MYO3B: variants seen among roughly 807,000 people sequenced by gnomAD.
MYO3B encodes the protein myosin IIIB.
In MYO3B, 156 loss-of-function variants were observed where a neutral mutation model predicts 174.6. That is an observed-to-expected ratio of 0.89 (90% CI 0.78 to 1.02). MYO3B has a LOEUF of 1.02. Ranked by LOEUF, MYO3B falls within the 50% of genes least tolerant of loss-of-function variation. The pLI, the probability that MYO3B is intolerant of heterozygous loss-of-function variation, is 0.00. For missense variants in MYO3B, 1,632 were observed against 1,639.4 expected (o/e 1.00, Z 0.08); for synonymous variants, 563 against 569.1 (o/e 0.99, Z 0.15).
intron 32 of MYO3B, chr2:170,601,934 G>A: frequency 2.4e-6 from 2 of 829,632 alleles, no homozygotes; most frequent in South Asian, 3.2e-5. Flanking sequence ...AAGGCCGAAG[G>A]AGGCCTCTTG....
At chr2:170,423,545 A>C (rs2094635382) in intron 22 of MYO3B, among the ~76,000 whole-genome samples, 1 of 151,014 alleles carries the variant, frequency 6.6e-6, no homozygotes, top group African/African-American at 2.4e-5. Flanking sequence ...AGTGTGTAAG[A>C]GACATTATTG....
intron 7 of MYO3B, among the ~76,000 whole-genome samples, chr2:170,288,234 GTT>G (rs35232763): frequency 1.0e-3 from 153 of 146,894 alleles, no homozygotes; most frequent in African/African-American, 1.8e-3. Context: ...TAAATTTTAG[GTT>G]TTTTTTTTTT....
At chr2:170,533,027 A>G (rs2106177096) in intron 30 of MYO3B, among the ~76,000 whole-genome samples, 1 of 152,302 alleles carries the variant, frequency 6.6e-6, no homozygotes, top group Non-Finnish European at 1.5e-5. Context: ...AAAAGTTGCA[A>G]TAAACAAGTC....
intron 32 of MYO3B, among the ~76,000 whole-genome samples, chr2:170,580,800 A>T (rs1693096750): frequency 6.6e-6 from 1 of 151,470 alleles, no homozygotes; most frequent in Non-Finnish European, 1.5e-5. Flanking sequence ...CTTTGTATAA[A>T]TGCAGAATAT....
chr2:170,522,837 C>A (rs1390096994), intron 30 of MYO3B, among the ~76,000 whole-genome samples: 1 of 152,210 alleles, frequency 6.6e-6, no homozygotes, highest in African/African-American at 2.4e-5. Flanking sequence ...CTTTTTAATA[C>A]TCCTTGAGCT....
intron 6 of MYO3B, among the ~76,000 whole-genome samples, chr2:170,235,105 G>T (rs1022123588): frequency 7.2e-5 from 11 of 152,152 alleles, no homozygotes; most frequent in Non-Finnish European, 1.6e-4. Flanking sequence ...ACCATTATAG[G>T]TGTTGCCCCT....
rs58866979 is a variant in MYO3B, at chr2:170,390,176, C to T, written c.1578-1344C>T. ...AATAAGGGCTGGGCACAGTGGCTCA[C>T]GCCTGTAATCCCAGCACTTTGGGAG... On this transcript the variant is annotated intron_variant, in intron 14 of 34. Coordinates refer to ENST00000408978, the MANE Select transcript of MYO3B (RefSeq NM_138995.5). Among the ~76,000 whole-genome samples, 1,100 of 152,274 alleles carry T rather than the reference C, an allele frequency of 7.2e-3. 4 individuals carry two copies. The highest frequency in any genetic ancestry group is 0.016 in the African/African-American group (669 of 41,536).
chr2:170,645,640 G>A (rs909876172), intron 32 of MYO3B, among the ~76,000 whole-genome samples: 4 of 152,012 alleles, frequency 2.6e-5, no homozygotes, highest in Non-Finnish European at 4.4e-5. Flanking sequence ...TCACTCTGCC[G>A]CTTACAAATT....
intron 30 of MYO3B, among the ~76,000 whole-genome samples, chr2:170,537,561 C>A (rs187641777): frequency 4.7e-5 from 7 of 149,286 alleles, no homozygotes; most frequent in African/African-American, 1.5e-4. Context: ...ATCCTCCCAC[C>A]CCAGCTTCCT....
At chr2:170,214,961 T>G (rs2105367390) in intron 5 of MYO3B, 133 bp downstream of exon 5, 11 of 649,542 alleles carry the variant, frequency 1.7e-5, no homozygotes, top group Non-Finnish European at 2.7e-5. Context: ...AAACACAAGC[T>G]GGAGGGGGTG....
chr2:170,279,992 T>G (rs563782475), intron 7 of MYO3B, among the ~76,000 whole-genome samples: 2 of 152,326 alleles, frequency 1.3e-5, no homozygotes, highest in South Asian at 4.1e-4. Context: ...AGTAATGGAT[T>G]GTTGGGTTGA....
At chr2:170,621,698 G>A (rs1575267636) in intron 32 of MYO3B, among the ~76,000 whole-genome samples, 1 of 151,740 alleles carries the variant, frequency 6.6e-6, no homozygotes, top group African/African-American at 2.4e-5. Flanking sequence ...TTTTAGTAGA[G>A]ATGTTATTTC....
At chr2:170,485,386 AACACACACACACACAC>A (rs370436580) in intron 25 of MYO3B, among the ~76,000 whole-genome samples, 1 of 136,796 alleles carries the variant, frequency 7.3e-6, no homozygotes, top group Admixed American at 7.4e-5. Flanking sequence ...ATCCTTTCAG[AACACACACACACACAC>A]ACACACACAC....
At chr2:170,453,504 G>A (rs1431700757) in intron 23 of MYO3B, among the ~76,000 whole-genome samples, 2 of 150,854 alleles carry the variant, frequency 1.3e-5, no homozygotes, top group African/African-American at 2.4e-5. Context: ...AAACCTGGCT[G>A]GTAAGAAATT....
intron 7 of MYO3B, among the ~76,000 whole-genome samples, chr2:170,251,590 A>G (rs2093254216): frequency 2.0e-5 from 3 of 152,194 alleles, no homozygotes; most frequent in South Asian, 2.1e-4. Flanking sequence ...ACAGAGACAG[A>G]CACATAGAGG....
At chr2:170,490,645 C>T (rs986875775) in intron 25 of MYO3B, among the ~76,000 whole-genome samples, 1 of 151,958 alleles carries the variant, frequency 6.6e-6, no homozygotes, top group Non-Finnish European at 1.5e-5. Flanking sequence ...TTCAGCTTTT[C>T]ACCATTAAAT....
chr2:170,505,332 G>A (rs78202288), intron 28 of MYO3B, among the ~76,000 whole-genome samples: 26,093 of 152,078 alleles, frequency 0.17, 2,739 homozygotes, highest in Middle Eastern at 0.32. Context: ...ATTGTTTTTT[G>A]TACTGGTTAA....
intron 7 of MYO3B, among the ~76,000 whole-genome samples, chr2:170,255,215 T>C (rs1220421746): frequency 6.6e-6 from 1 of 152,096 alleles, no homozygotes; most frequent in African/African-American, 2.4e-5. Flanking sequence ...CTAAGACAGG[T>C]GGGAGTAGAG....
chr2:170,550,752 T>C (rs560987330), intron 32 of MYO3B, among the ~76,000 whole-genome samples: 164 of 152,346 alleles, frequency 1.1e-3, no homozygotes, highest in Non-Finnish European at 1.9e-3. Context: ...TCTCAAGTGA[T>C]CTCATTAAAT....
Sources: allele counts gnomAD v4.1 joint callset (sites outside exome capture counted in the v4.1 genomes callset), GRCh38; gene constraint gnomAD v4.1.1; transcripts MANE v1.5; gene names NCBI Gene and HGNC (gene_info 2026-07-23, HGNC 2026-07-21).